Variants in SPATA6L observed in about 807,000 individuals in gnomAD.
The protein encoded by SPATA6L is spermatogenesis associated 6 like, also known as spermatogenesis associated 6-like protein.
A neutral mutation model predicts 49.2 loss-of-function variants in SPATA6L; 68 were observed. That is an observed-to-expected ratio of 1.38 (90% confidence interval 1.14 to 1.69). The LOEUF (loss-of-function observed/expected upper bound fraction) is 1.69, where lower values mean the gene tolerates loss of function less well. Ranked by LOEUF, SPATA6L falls within the 40% of genes most tolerant of loss-of-function variation. SPATA6L has a pLI of 0.00. For missense variants in SPATA6L, 668 were observed against 464.3 expected (o/e 1.44, Z -4.03); for synonymous variants, 198 against 165.7 (o/e 1.19, Z -1.50).
chr9:4,664,209 G>A, intron 1 of SPATA6L: 1 of 167,210 alleles, frequency 6.0e-6, no homozygotes. Flanking sequence ...TGACCAGTAT[G>A]ACAGGAGATG....
At chr9:4,661,585 A>C (rs1437998143) in intron 2 of SPATA6L, among the ~76,000 whole-genome samples, 1 of 152,138 alleles carries the variant, frequency 6.6e-6, no homozygotes, top group African/African-American at 2.4e-5. Flanking sequence ...CCTTTCGTAA[A>C]TGTAATGCAA....
chr9:4,626,841 A>C (rs1262444736), intron 5 of SPATA6L: 1 of 200,654 alleles, frequency 5.0e-6, no homozygotes, highest in African/African-American at 2.3e-5. Context: ...ACATGAGAAA[A>C]TGTTTATCAT....
At chr9:4,612,111 A>T in intron 9 of SPATA6L, among the ~76,000 whole-genome samples, 1 of 151,878 alleles carries the variant, frequency 6.6e-6, no homozygotes, top group East Asian at 1.9e-4. Flanking sequence ...AAGAGCTGGG[A>T]CTACAGGTAT....
intron 3 of SPATA6L, among the ~76,000 whole-genome samples, chr9:4,638,834 G>T (rs1039084876): frequency 7.9e-5 from 12 of 151,092 alleles, no homozygotes; most frequent in Non-Finnish European, 1.3e-4. Flanking sequence ...ACCCAGGCTG[G>T]AGTGCAATGG....
At chr9:4,609,105 G>A in intron 9 of SPATA6L, among the ~76,000 whole-genome samples, 1 of 151,290 alleles carries the variant, frequency 6.6e-6, no homozygotes, top group Non-Finnish European at 1.5e-5. Context: ...GGAAGAAGTT[G>A]AATCTCTGAA....
chr9:4,621,356 T>C (rs1044267303), intron 7 of SPATA6L, among the ~76,000 whole-genome samples: 3 of 152,358 alleles, frequency 2.0e-5, no homozygotes, highest in African/African-American at 7.2e-5. Context: ...AACGTCAAAC[T>C]GTTTTCATAA....
In SPATA6L at chr9:4,657,539, T is replaced by A. The variant is rs558736132; in HGVS notation, c.178-1450A>T. Among the ~76,000 whole-genome samples the A allele has an allele frequency of 2.6e-4, 38 of 146,210 alleles. No individual in the cohort carries two copies. The South Asian group carries it at 4.3e-3, about 16-fold the overall frequency. ...AAATTTGAGCACAGAAACTGTTTTT[T>A]AAAAAAAAAAGAAAAAGAAAAGAAA... On this transcript the variant is annotated intron_variant, in intron 2 of 11. Coordinates refer to ENST00000682582, the MANE Select transcript of SPATA6L (RefSeq NM_001353486.2).
rs376151295 is a variant in SPATA6L at position 4,656,441 on chromosome 9, AAAGGAAGGAAGGAAGGAAGG to A, written c.178-372_178-353del. Among the ~76,000 whole-genome samples the A allele has an allele frequency of 1.9e-3, 220 of 113,988 alleles. 2 individuals carry two copies. The highest frequency in any genetic ancestry group is 2.8e-3 in the Non-Finnish European group (158 of 56,294). 74.8% of individuals were successfully genotyped at this position (113,988 alleles called of 152,430 possible). ...GAGAAAGAGTGAGACCCTGTGAAAGAAAGGAAGGAAGGAAGGAAGGAAGGAAGGAAGGAAGGAAGGAAGGA... is the reference window on the plus strand; with the variant it reads ...GAGAAAGAGTGAGACCCTGTGAAAGAAAGGAAGGAAGGAAGGAAGGAAGGA... On this transcript the variant is annotated intron_variant, in intron 2 of 11. Coordinates refer to ENST00000682582, the MANE Select transcript of SPATA6L (RefSeq NM_001353486.2).
At chr9:4,636,745 T>C (rs992424460) in intron 3 of SPATA6L, among the ~76,000 whole-genome samples, 1 of 152,242 alleles carries the variant, frequency 6.6e-6, no homozygotes, top group African/African-American at 2.4e-5. Flanking sequence ...CATTTAATAT[T>C]AATGTTTCAG....
intron 11 of SPATA6L, among the ~76,000 whole-genome samples, chr9:4,603,459 C>G (rs914695956): frequency 1.3e-5 from 2 of 152,148 alleles, no homozygotes; most frequent in African/African-American, 4.8e-5. Flanking sequence ...ACCCTCTTTA[C>G]TGAGCAGCAA....
intron 3 of SPATA6L, among the ~76,000 whole-genome samples, chr9:4,641,273 A>C (rs1269740407): frequency 6.6e-6 from 1 of 152,174 alleles, no homozygotes; most frequent in African/African-American, 2.4e-5. Context: ...GTCATCCCTA[A>C]GTATCCACAG....
chr9:4,648,144 T>G (rs1304817750), intron 3 of SPATA6L, among the ~76,000 whole-genome samples: 1 of 152,096 alleles, frequency 6.6e-6, no homozygotes, highest in East Asian at 1.9e-4. Context: ...CATGAAAACA[T>G]GTTAAACAGA....
At chr9:4,590,975 G>C (rs915614533) in intron 13 of SPATA6L, among the ~76,000 whole-genome samples, 3 of 152,176 alleles carry the variant, frequency 2.0e-5, no homozygotes, top group Non-Finnish European at 4.4e-5. Flanking sequence ...GAGGGAATGC[G>C]ATGCAGAGTT....
chr9:4,616,860 T>C (rs1828141588), intron 9 of SPATA6L, among the ~76,000 whole-genome samples: 1 of 152,302 alleles, frequency 6.6e-6, no homozygotes, highest in Non-Finnish European at 1.5e-5. Flanking sequence ...GCTGGGATTA[T>C]AGGCATGAGC....
intron 3 of SPATA6L, among the ~76,000 whole-genome samples, chr9:4,642,994 G>A (rs762129989): frequency 1.3e-5 from 2 of 152,070 alleles, no homozygotes; most frequent in Admixed American, 1.3e-4. Flanking sequence ...TCATAAAATA[G>A]GATAAAATAT....
At position 4,625,401 on chromosome 9, in the gene SPATA6L, G is replaced by C; in HGVS notation, c.595C>G (p.Gln199Glu). Residue 199 changes from glutamine to glutamate, a missense_variant, in exon 6 of 12, where the codon CAG (glutamine) becomes GAG (glutamate). By Grantham distance (29) the Gln-to-Glu change is conservative. Transcript: ENST00000682582. ...QYSTRHFFQD[Q>E]PAQLNLGNNF... is the part of the protein sequence containing the mutation. ...TTTCCAAGGTTCAACTGAGCTGGCTGGTCCTGGAAGAAATGCCTGGTAGAA... is the reference window on the plus strand; with the variant it reads ...TTTCCAAGGTTCAACTGAGCTGGCTCGTCCTGGAAGAAATGCCTGGTAGAA... 1 of 1,614,108 alleles carries C rather than the reference G, an allele frequency of 6.2e-7. No homozygotes were observed. The highest frequency in any genetic ancestry group is 8.5e-7 in the Non-Finnish European group (1 of 1,180,012).
intron 2 of SPATA6L, among the ~76,000 whole-genome samples, chr9:4,659,184 A>G (rs1839013332): frequency 6.6e-6 from 1 of 152,182 alleles, no homozygotes; most frequent in South Asian, 2.1e-4. Flanking sequence ...ATTTAAATTA[A>G]TAGGTTGTGA....
rs776801815 is a variant in SPATA6L at position 4,635,276 on chromosome 9, G to A, written c.350C>T (p.Pro117Leu). Residue 117 changes from proline (P) to leucine (L), a missense_variant and splice_region_variant, in exon 4 of 12, where the codon CCA becomes CTA. Coordinates refer to ENST00000682582, the MANE Select transcript of SPATA6L (RefSeq NM_001353486.2). The part of the protein sequence containing the change: ...EVLMKTALGF[P>L]GIAPKIEFST... ...CCCAGATGAGCATGAATCACTTACTGGAAAACCCAGAGCCGTCTTCATGAG... is the reference window on the plus strand; with the variant it reads ...CCCAGATGAGCATGAATCACTTACTAGAAAACCCAGAGCCGTCTTCATGAG... The A allele has an allele frequency of 6.6e-7, 1 of 1,514,186 alleles. No homozygotes were observed. Among genetic ancestry groups the A allele is most frequent in the East Asian group, 2.6e-5 (1 of 37,912 alleles). The allele number at this position is 1,514,186 out of a possible 1,614,324, so 93.8% of individuals were successfully genotyped here. A position where few individuals can be genotyped will look rare whatever the true frequency, so the allele number is the denominator to read the frequency against.
Position 4,600,125 on chromosome 9 carries a change from G to A in SPATA6L, c.*686C>T, listed in dbSNP as rs962302003. ...TGGAGAAATATTTGAGGAAGGTTTT[G>A]TTCCTCATCTAAATTTACAAAGAAT... On this transcript the variant is annotated 3_prime_UTR_variant, in exon 12 of 12. Coordinates refer to ENST00000682582, the MANE Select transcript of SPATA6L (RefSeq NM_001353486.2). 6.6e-6 allele frequency among the ~76,000 whole-genome samples: 1 copy of A among 152,176 alleles called. No homozygotes were observed. The highest frequency in any genetic ancestry group is 1.5e-5 in the Non-Finnish European group (1 of 68,040).
Sources: allele counts gnomAD v4.1 joint callset (sites outside exome capture counted in the v4.1 genomes callset), GRCh38; gene constraint gnomAD v4.1.1; transcripts MANE v1.5; gene names NCBI Gene and HGNC (gene_info 2026-07-23, HGNC 2026-07-21).